The following FSHR variants were observed in gnomAD, a reference collection of about 807,000 sequenced individuals.
The protein encoded by FSHR is follicle-stimulating hormone receptor.
FSHR carries 46 observed loss-of-function variants against 52.1 expected under a neutral mutation model. The ratio of observed to expected loss-of-function variants is 0.88; its 90% CI spans 0.70 to 1.13. FSHR has a LOEUF of 1.13. Among genes scored for constraint, FSHR ranks in the 50% most tolerant of loss-of-function variants. The pLI is 0.00. For missense variants in FSHR, 964 were observed against 834.6 expected, an observed-to-expected ratio of 1.16 and a Z score of -1.91; for synonymous variants, 399 against 309.6, an observed-to-expected ratio of 1.29 and a Z score of -3.03.
chr2:49,127,833 T>TTCC lies in FSHR; in HGVS notation c.152+26432_152+26433insGGA, dbSNP rs1558456707. Reference sequence around the variant, plus strand: ...CTTCTTCTTCTTCTTCTTCTTCCTCTTCTTCTTCTTCTTCTTCTTCTTCTT... The same window carrying TTCC: ...CTTCTTCTTCTTCTTCTTCTTCCTCTTCCTCTTCTTCTTCTTCTTCTTCTTCTT... On this transcript the variant is annotated intron_variant, in intron 1 of 9. Coordinates refer to ENST00000406846, the MANE Select transcript of FSHR (RefSeq NM_000145.4). Among the ~76,000 whole-genome samples the TTCC allele has an allele frequency of 2.4e-3, 17 of 6,962 alleles. 1 individual carries two copies. The highest frequency in any genetic ancestry group is 9.8e-3 in the South Asian group (1 of 102). The allele number at this position is 6,962 out of a possible 152,430, so 4.6% of individuals were successfully genotyped here. A position where few individuals can be genotyped will look rare whatever the true frequency, so the allele number is the denominator to read the frequency against.
intron 2 of FSHR, among the ~76,000 whole-genome samples, chr2:49,022,525 G>A (rs979005197): frequency 6.6e-6 from 1 of 152,012 alleles, no homozygotes; most frequent in African/African-American, 2.4e-5. Context: ...AATTTATTGG[G>A]TGTTTACCGT....
chr2:48,964,039 A>G, intron 9 of FSHR, 73 bp from the exon 10 acceptor site: 1 of 1,473,764 alleles, frequency 6.8e-7, no homozygotes, highest in Non-Finnish European at 9.3e-7. Context: ...GTCTTTGTGC[A>G]GGGTAGAAAT....
chr2:49,154,228 C>G lies in FSHR; in HGVS notation c.152+38G>C, dbSNP rs1432107916. The G allele has an allele frequency of 3.1e-6, 5 of 1,604,800 alleles. 1 individual carries two copies. The South Asian group carries it at 5.5e-5, about 18-fold the overall frequency. ...AATAATAGTACGCAATGCACAAATGCCAGCCATGCAGTTGTTCCCCCTCCC... is the reference window on the plus strand; with the variant it reads ...AATAATAGTACGCAATGCACAAATGGCAGCCATGCAGTTGTTCCCCCTCCC... On this transcript the variant is annotated intron_variant, in intron 1 of 9. Coordinates refer to ENST00000406846, the MANE Select transcript of FSHR (RefSeq NM_000145.4).
intron 5 of FSHR, among the ~76,000 whole-genome samples, chr2:48,989,598 G>A (rs938272315): frequency 6.6e-6 from 1 of 152,114 alleles, no homozygotes; most frequent in Non-Finnish European, 1.5e-5. Context: ...TTCTTCTGAA[G>A]GTTTTCTTAA....
chr2:48,999,929 G>A (rs2104140374), intron 4 of FSHR, among the ~76,000 whole-genome samples: 1 of 152,206 alleles, frequency 6.6e-6, no homozygotes, highest in East Asian at 1.9e-4. Context: ...AAGCATTTAT[G>A]TCACCTTCTT....
intron 4 of FSHR, among the ~76,000 whole-genome samples, chr2:48,995,253 A>T (rs1277380594): frequency 6.6e-6 from 1 of 152,080 alleles, no homozygotes; most frequent in Non-Finnish European, 1.5e-5. Context: ...GTGAGTTAAG[A>T]CTAGCACAGG....
rs764363248 is a variant in FSHR, at chr2:49,100,530, C to G, written c.153-32240G>C. On this transcript the variant is annotated intron_variant, in intron 1 of 9. Coordinates refer to ENST00000406846, the MANE Select transcript of FSHR (RefSeq NM_000145.4). ...AAGGAAAGTCTCAAGACTAGAAAGT[C>G]TTTGTGTTTCTCCCAAAACCCTTAC... 3.9e-5 allele frequency among the ~76,000 whole-genome samples: 6 copies of G among 152,168 alleles called. No homozygotes were observed. The East Asian group carries it at 5.8e-4, about 15-fold the overall frequency.
intron 1 of FSHR, among the ~76,000 whole-genome samples, chr2:49,082,606 T>C (rs1277565885): frequency 1.3e-5 from 2 of 151,812 alleles, no homozygotes; most frequent in African/African-American, 2.4e-5. Context: ...GAAAAAAATT[T>C]AGAAGAATGT....
rs1673168984 is a variant in FSHR, at chr2:49,154,338, T to C, written c.80A>G (p.Asn27Ser). Reference protein sequence around the residue: ...GCHHRICHCSNRVFLCQESKV... With the variant: ...GCHHRICHCSSRVFLCQESKV... ...GCTCTCTTGGCAGAGAAAAACCCTGTTAGAGCAGTGACAGATCCGATGATG... is the reference window on the plus strand; with the variant it reads ...GCTCTCTTGGCAGAGAAAAACCCTGCTAGAGCAGTGACAGATCCGATGATG... Residue 27 changes from asparagine to serine, a missense_variant, in exon 1 of 10, where the codon AAC becomes AGC. Physicochemically the swap from Asn to Ser is conservative, Grantham distance 46. Transcript: ENST00000406846. 6.2e-7 allele frequency: 1 copy of C among 1,613,850 alleles called. No homozygotes were observed. The highest frequency in any genetic ancestry group is 8.5e-7 in the Non-Finnish European group (1 of 1,179,906).
intron 1 of FSHR, among the ~76,000 whole-genome samples, chr2:49,152,399 CT>C: frequency 6.6e-6 from 1 of 152,228 alleles, no homozygotes; most frequent in African/African-American, 2.4e-5. Flanking sequence ...CTTAGCATTA[CT>C]TTTTTTCAAA....
chr2:49,085,327 T>G lies in FSHR; in HGVS notation c.153-17037A>C, dbSNP rs1670334880. On this transcript the variant is annotated intron_variant, in intron 1 of 9. Coordinates refer to ENST00000406846, the MANE Select transcript of FSHR (RefSeq NM_000145.4). ...TGCTAAAAACTCTCAATAAATTAGGTATTGATGGGACGTATCTCAAAATAA... is the reference window on the plus strand; with the variant it reads ...TGCTAAAAACTCTCAATAAATTAGGGATTGATGGGACGTATCTCAAAATAA... Among the ~76,000 whole-genome samples the G allele has an allele frequency of 3.3e-5, 5 of 152,336 alleles. No individual in the cohort carries two copies. The South Asian group carries it at 1.0e-3, about 32-fold the overall frequency.
At chr2:48,978,126 G>A (rs1008350295) in intron 8 of FSHR, among the ~76,000 whole-genome samples, 10 of 152,192 alleles carry the variant, frequency 6.6e-5, no homozygotes, top group African/African-American at 2.2e-4. Flanking sequence ...TTGAGATACA[G>A]AGTAGCAAGA....
At chr2:49,076,117 G>A (rs973982036) in intron 1 of FSHR, among the ~76,000 whole-genome samples, 1 of 152,166 alleles carries the variant, frequency 6.6e-6, no homozygotes, top group Admixed American at 6.5e-5. Context: ...GATGTTAGAA[G>A]TAAATTCCAC....
intron 2 of FSHR, among the ~76,000 whole-genome samples, chr2:49,061,017 C>T (rs899775473): frequency 6.6e-6 from 1 of 152,158 alleles, no homozygotes; most frequent in African/African-American, 2.4e-5. Context: ...CTTTCTCCCC[C>T]TGCCCATACC....
chr2:49,065,461 T>C (rs1258860366), intron 2 of FSHR, among the ~76,000 whole-genome samples: 2 of 152,182 alleles, frequency 1.3e-5, no homozygotes, highest in Middle Eastern at 3.4e-3. Flanking sequence ...GGATAGAGAA[T>C]GCACCTGAGT....
At chr2:48,985,965 G>A (rs1397431457) in intron 6 of FSHR, among the ~76,000 whole-genome samples, 1 of 151,682 alleles carries the variant, frequency 6.6e-6, no homozygotes, top group Admixed American at 6.6e-5. Flanking sequence ...CACCCGCCTC[G>A]GCCTCCCAAA....
At chr2:48,974,413 A>G (rs1432063969) in intron 8 of FSHR, among the ~76,000 whole-genome samples, 2 of 152,336 alleles carry the variant, frequency 1.3e-5, no homozygotes, top group East Asian at 3.9e-4. Flanking sequence ...GCTACAAGAC[A>G]TATGTGCTGC....
At chr2:48,976,219 C>T (rs1384446990) in intron 8 of FSHR, among the ~76,000 whole-genome samples, 2 of 152,108 alleles carry the variant, frequency 1.3e-5, no homozygotes, top group East Asian at 1.9e-4. Context: ...TTGTCGAAGG[C>T]ATTTTCTGCA....
intron 1 of FSHR, among the ~76,000 whole-genome samples, chr2:49,096,748 G>C (rs940549763): frequency 6.6e-6 from 1 of 152,152 alleles, no homozygotes; most frequent in African/African-American, 2.4e-5. Context: ...TATTGGAGAT[G>C]GGGCCTGGTG....
Sources: gnomAD v4.1 joint callset for allele counts (sites outside exome capture counted in the v4.1 genomes callset) on GRCh38, gnomAD v4.1.1 for gene constraint, MANE v1.5 for transcripts, NCBI Gene and HGNC (gene_info 2026-07-23, HGNC 2026-07-21) for gene names.